The following RMDN3 variants were observed in gnomAD, a reference collection of about 807,000 sequenced individuals.
RMDN3 encodes regulator of microtubule dynamics 3.
RMDN3 carries 41 observed loss-of-function variants against 61.8 expected under a neutral mutation model. The observed-to-expected ratio is 0.66, with a 90% CI of 0.52 to 0.86. RMDN3 has a LOEUF of 0.86. Among genes scored for constraint, RMDN3 ranks in the 40% least tolerant of loss-of-function variants. The pLI, the probability that RMDN3 is intolerant of heterozygous loss-of-function variation, is 0.00. For synonymous variants in RMDN3, 247 were observed against 232.0 expected (o/e 1.06, Z -0.59); for missense variants, 557 against 585.3 (o/e 0.95, Z 0.50).
chr15:40,740,272 G>T, intron 6 of RMDN3, 79 bp from the exon 7 acceptor site: 1 of 944,610 alleles, frequency 1.1e-6, no homozygotes. Flanking sequence ...AAGAATGACT[G>T]CTTTAGCTCT....
At chr15:40,753,602 T>A (rs1273624713) in intron 2 of RMDN3, among the ~76,000 whole-genome samples, 2 of 152,216 alleles carry the variant, frequency 1.3e-5, no homozygotes, top group South Asian at 2.1e-4. Flanking sequence ...CAGCCCTAGA[T>A]CCTTTGCTCA....
chr15:40,745,485 T>C (rs1341052724), intron 4 of RMDN3, among the ~76,000 whole-genome samples: 1 of 149,214 alleles, frequency 6.7e-6, no homozygotes, highest in East Asian at 2.0e-4. Context: ...CGATCTTGGC[T>C]CACTCAAACC....
rs1051913002 is a variant in RMDN3, at chr15:40,736,089, C to T, written c.*452G>A. On this transcript the variant is annotated 3_prime_UTR_variant, in exon 13 of 13. Transcript: ENST00000338376. ...TGATAAGAAAGCAATGTCTGTGGGCCACTCTGATCCCTCTTTTTACCTTGG... is the reference window on the plus strand; with the variant it reads ...TGATAAGAAAGCAATGTCTGTGGGCTACTCTGATCCCTCTTTTTACCTTGG... The T allele has an allele frequency of 6.4e-6, 1 of 155,200 alleles. No individual in the cohort carries two copies. Among genetic ancestry groups the T allele is most frequent in the African/African-American group, 2.4e-5 (1 of 41,504 alleles). 9.6% of individuals were successfully genotyped at this position (155,200 alleles called of 1,614,324 possible). A position where few individuals can be genotyped will look rare whatever the true frequency, so the allele number is the denominator to read the frequency against.
intron 2 of RMDN3, among the ~76,000 whole-genome samples, chr15:40,752,893 A>T (rs1897887247): frequency 6.6e-6 from 1 of 152,230 alleles, no homozygotes; most frequent in Non-Finnish European, 1.5e-5. Flanking sequence ...ACAATACGGC[A>T]AGCATAAATC....
intron 6 of RMDN3, among the ~76,000 whole-genome samples, chr15:40,743,802 A>T (rs534783727): frequency 2.6e-5 from 4 of 152,270 alleles, no homozygotes; most frequent in Non-Finnish European, 5.9e-5. Flanking sequence ...TTGATAGGAT[A>T]CAACTACTCC....
chr15:40,737,950 T>G lies in RMDN3; in HGVS notation c.1125+15A>C, dbSNP rs769842993. The G allele has an allele frequency of 6.2e-7, 1 of 1,613,926 alleles. No individual in the cohort carries two copies. Among genetic ancestry groups the G allele is most frequent in the East Asian group, 2.2e-5 (1 of 44,888 alleles). ...CATTTAGGACCATTATGTCAAGCACTGAAACGCAGCTTACCTGATAGCACC... is the reference window on the plus strand; with the variant it reads ...CATTTAGGACCATTATGTCAAGCACGGAAACGCAGCTTACCTGATAGCACC... On this transcript the variant is annotated intron_variant, in intron 9 of 12. Transcript: ENST00000338376.
At chr15:40,753,224 T>A (rs1390262290) in intron 2 of RMDN3, among the ~76,000 whole-genome samples, 1 of 152,046 alleles carries the variant, frequency 6.6e-6, no homozygotes, top group Non-Finnish European at 1.5e-5. Flanking sequence ...AGCATGGGAG[T>A]GAGATAATGT....
chr15:40,750,863 T>C (rs1897790075), intron 4 of RMDN3, among the ~76,000 whole-genome samples: 1 of 152,216 alleles, frequency 6.6e-6, no homozygotes, highest in Non-Finnish European at 1.5e-5. Flanking sequence ...AAAGTGGTGC[T>C]AGTGGTTTAA....
intron 8 of RMDN3, 144 bp downstream of exon 8, chr15:40,738,357 G>T: frequency 1.3e-6 from 1 of 762,756 alleles, no homozygotes; most frequent in Non-Finnish European, 2.2e-6. Flanking sequence ...ACTCCAGCTT[G>T]GGCGATAGAG....
chr15:40,748,584 C>G (rs758518062), intron 4 of RMDN3, among the ~76,000 whole-genome samples: 1 of 152,244 alleles, frequency 6.6e-6, no homozygotes, highest in African/African-American at 2.4e-5. Context: ...CTGGCTCCCA[C>G]TGACCCCAGA....
At chr15:40,752,221 T>C (rs1413895243) in intron 2 of RMDN3, 43 bp from the exon 3 acceptor site, 2 of 1,586,604 alleles carry the variant, frequency 1.3e-6, no homozygotes, top group East Asian at 2.2e-5. Flanking sequence ...CACAGGAATA[T>C]GGTGGGGAAG....
In RMDN3 at chr15:40,741,917, G is replaced by T. The variant is rs115216781; in HGVS notation, c.911-1724C>A. The stretch of plus-strand genomic sequence containing the variant: ...GCTGTGATTACAGGTGCGAACCACC[G>T]TGCCCAGCCAAGAATTCTTTGAAGA... On this transcript the variant is annotated intron_variant, in intron 6 of 12. Transcript: ENST00000338376. Among the ~76,000 whole-genome samples, 525 of 151,976 alleles carry T rather than the reference G, an allele frequency of 3.5e-3. 4 individuals are homozygous for T. Among genetic ancestry groups the T allele is most frequent in the African/African-American group, 0.012 (506 of 41,458 alleles).
intron 6 of RMDN3, 21 bp downstream of exon 6, chr15:40,744,026 C>G: frequency 1.9e-6 from 3 of 1,592,712 alleles, no homozygotes; most frequent in Non-Finnish European, 2.6e-6. Context: ...CACCTTCCCA[C>G]AGGAAGCTGT....
intron 4 of RMDN3, 135 bp downstream of exon 4, chr15:40,751,287 TCAAC>T: frequency 2.8e-6 from 3 of 1,078,872 alleles, no homozygotes; most frequent in Admixed American, 2.3e-5. Context: ...GTTTTTTGTT[TCAAC>T]TCTTCTGTAT....
intron 2 of RMDN3, 95 bp from the exon 3 acceptor site, chr15:40,752,273 GAA>G: frequency 7.7e-7 from 1 of 1,292,696 alleles, no homozygotes; most frequent in Non-Finnish European, 1.1e-6. Context: ...CTTTCCATTG[GAA>G]GAGAAGGCCC....
At chr15:40,746,891 A>G (rs963468892) in intron 4 of RMDN3, among the ~76,000 whole-genome samples, 6 of 151,296 alleles carry the variant, frequency 4.0e-5, no homozygotes, top group Non-Finnish European at 5.9e-5. Flanking sequence ...AAAAAAAAAA[A>G]CACCTTTAGA....
At chr15:40,741,541 G>A (rs1260666989) in intron 6 of RMDN3, among the ~76,000 whole-genome samples, 1 of 150,686 alleles carries the variant, frequency 6.6e-6, no homozygotes, top group Non-Finnish European at 1.5e-5. Context: ...CGTCACTTAA[G>A]AGTATCGAGG....
At chr15:40,746,243 C>CAT (rs1897544069) in intron 4 of RMDN3, among the ~76,000 whole-genome samples, 1 of 152,080 alleles carries the variant, frequency 6.6e-6, no homozygotes, top group Middle Eastern at 3.2e-3. Flanking sequence ...AGGCTGGGGG[C>CAT]GGTGGCTCAC....
chr15:40,740,430 G>A (rs1485661556), intron 6 of RMDN3, among the ~76,000 whole-genome samples: 1 of 152,220 alleles, frequency 6.6e-6, no homozygotes, highest in East Asian at 1.9e-4. Context: ...TAGAGCGCCT[G>A]AGGTCAGGAG....
Sources: allele counts gnomAD v4.1 joint callset (sites outside exome capture counted in the v4.1 genomes callset), GRCh38; gene constraint gnomAD v4.1.1; transcripts MANE v1.5; gene names NCBI Gene and HGNC (gene_info 2026-07-23, HGNC 2026-07-21).